DPP6: variants seen among roughly 807,000 people sequenced by gnomAD.
DPP6 encodes A-type potassium channel modulatory protein DPP6.
Under a neutral mutation model 122.6 loss-of-function variants are expected in DPP6, and 69 were observed. The observed-to-expected ratio is 0.56, with a 90% CI of 0.46 to 0.69. The LOEUF is 0.69. DPP6 is among the 30% of genes least tolerant of loss of function. DPP6 has a pLI of 0.00. For synonymous variants in DPP6, 418 were observed against 433.1 expected (o/e 0.97, Z 0.43); for missense variants, 928 against 1,116.9 (o/e 0.83, Z 2.41).
chr7:154,830,690 AT>A (rs753150287), intron 16 of DPP6, among the ~76,000 whole-genome samples: 125 of 152,274 alleles, frequency 8.2e-4, no homozygotes, highest in Non-Finnish European at 6.9e-4. Context: ...ATCGTACTTC[AT>A]TTTGATCAGA....
At chr7:154,889,102 C>A (rs1012955661) in intron 23 of DPP6, among the ~76,000 whole-genome samples, 170 bp from the exon 24 acceptor site, 1 of 152,176 alleles carries the variant, frequency 6.6e-6, no homozygotes. Flanking sequence ...TACCACTGGG[C>A]TTCTGACATC....
chr7:153,796,299 A>G, the DPP6 span, among the ~76,000 whole-genome samples: 1 of 136,118 alleles, frequency 7.3e-6, no homozygotes, highest in East Asian at 2.0e-4. Flanking sequence ...TTAAGTGCAT[A>G]AACATTTAGG....
chr7:153,869,455 T>C, the DPP6 span, among the ~76,000 whole-genome samples: 2 of 152,230 alleles, frequency 1.3e-5, no homozygotes, highest in Non-Finnish European at 1.5e-5. Flanking sequence ...GTCTGCTTTA[T>C]CAGAGACTAA....
chr7:154,158,480 T>A (rs1796808491), intron 1 of DPP6, among the ~76,000 whole-genome samples: 1 of 146,404 alleles, frequency 6.8e-6, no homozygotes. Context: ...AAAAAAAAAA[T>A]CTCCTAAATT....
At chr7:153,964,874 T>A (rs1209693442) in intron 1 of DPP6, among the ~76,000 whole-genome samples, 1 of 139,010 alleles carries the variant, frequency 7.2e-6, no homozygotes, top group Non-Finnish European at 1.5e-5. Flanking sequence ...TTTCCTTTCC[T>A]TTTTTTCTTT....
At chr7:154,870,134 G>A (rs919097295) in intron 18 of DPP6, among the ~76,000 whole-genome samples, 2 of 140,874 alleles carry the variant, frequency 1.4e-5, no homozygotes, top group Middle Eastern at 7.4e-3. Context: ...CAGGCCACAT[G>A]CCCAACTAAT....
At chr7:154,194,542 C>T (rs1342162444) in intron 1 of DPP6, among the ~76,000 whole-genome samples, 4 of 152,184 alleles carry the variant, frequency 2.6e-5, no homozygotes, top group Non-Finnish European at 4.4e-5. Flanking sequence ...CACCTCACCT[C>T]GCTCCTCCCA....
intron 16 of DPP6, among the ~76,000 whole-genome samples, chr7:154,846,234 G>A (rs1265806323): frequency 1.3e-5 from 2 of 150,362 alleles, no homozygotes; most frequent in Admixed American, 6.6e-5. Flanking sequence ...GTATGTGTGG[G>A]TATATATATA....
intron 1 of DPP6, among the ~76,000 whole-genome samples, chr7:154,299,513 TTTG>T (rs916492268): frequency 3.9e-5 from 6 of 152,312 alleles, no homozygotes; most frequent in African/African-American, 9.6e-5. Flanking sequence ...GTGTGGGTTT[TTTG>T]TTGTTGTTGT....
intron 1 of DPP6, among the ~76,000 whole-genome samples, chr7:153,932,413 G>A (rs1478999831): frequency 6.6e-6 from 1 of 152,108 alleles, no homozygotes; most frequent in South Asian, 2.1e-4. Flanking sequence ...GTAGGCCACT[G>A]TGCCCAGCCT....
intron 2 of DPP6, among the ~76,000 whole-genome samples, chr7:154,452,069 A>G (rs1438882767): frequency 6.6e-6 from 1 of 152,244 alleles, no homozygotes; most frequent in Non-Finnish European, 1.5e-5. Flanking sequence ...TCACTAATGT[A>G]CAGAGCAGTG....
At chr7:154,441,825 C>T (rs1024222402) in intron 1 of DPP6, among the ~76,000 whole-genome samples, 11 of 152,034 alleles carry the variant, frequency 7.2e-5, no homozygotes, top group African/African-American at 2.4e-4. Context: ...ACACAAAAGT[C>T]AAGCTGTAAT....
the DPP6 span, among the ~76,000 whole-genome samples, chr7:153,815,490 G>T: frequency 6.6e-6 from 1 of 151,954 alleles, no homozygotes. Context: ...TTAGCATTAG[G>T]TATATCTCCT....
intron 1 of DPP6, among the ~76,000 whole-genome samples, chr7:154,158,096 T>C (rs1387718255): frequency 6.7e-6 from 1 of 149,896 alleles, no homozygotes; most frequent in Admixed American, 6.7e-5. Flanking sequence ...CCTTCCCCCA[T>C]ACTCCCATAT....
Position 154,017,260 on chromosome 7 carries a change from G to T in DPP6, c.51+129526G>T, listed in dbSNP as rs80159367. On this transcript the variant is annotated intron_variant, in intron 1 of 25. Transcript: ENST00000404039. ...TTTTTTGAGTTTTTGTAGAGATGGGGTTTCACTGTGTTGCCCTGGCTGAGC... is the reference window on the plus strand; with the variant it reads ...TTTTTTGAGTTTTTGTAGAGATGGGTTTTCACTGTGTTGCCCTGGCTGAGC... 7.9e-3 allele frequency among the ~76,000 whole-genome samples: 1,197 copies of T among 152,212 alleles called. 12 individuals are homozygous for T. Among genetic ancestry groups the T allele is most frequent in the East Asian group, 0.049 (254 of 5,164 alleles).
intron 12 of DPP6, among the ~76,000 whole-genome samples, chr7:154,797,754 T>C (rs1798129427): frequency 6.6e-6 from 1 of 152,196 alleles, no homozygotes; most frequent in South Asian, 2.1e-4. Flanking sequence ...TGCCACTCAA[T>C]TGTTCACTTT....
chr7:154,093,893 T>A (rs1805114720), intron 1 of DPP6: 1 of 152,132 alleles, frequency 6.6e-6, no homozygotes, highest in Admixed American at 6.6e-5. Context: ...CCACCCTGAG[T>A]CCCGTGTGTG....
intron 1 of DPP6, among the ~76,000 whole-genome samples, chr7:154,267,649 T>C (rs527658127): frequency 5.3e-5 from 8 of 150,840 alleles, no homozygotes; most frequent in African/African-American, 1.7e-4. Flanking sequence ...CACACATATA[T>C]GCACACATAC....
At chr7:154,743,299 G>T (rs571059693) in intron 8 of DPP6, among the ~76,000 whole-genome samples, 1 of 152,280 alleles carries the variant, frequency 6.6e-6, no homozygotes, top group South Asian at 2.1e-4. Flanking sequence ...GCTGAAAGAT[G>T]AATTGAAAAC....
Sources: gnomAD v4.1 joint callset for allele counts (sites outside exome capture counted in the v4.1 genomes callset) on GRCh38, gnomAD v4.1.1 for gene constraint, MANE v1.5 for transcripts, NCBI Gene and HGNC (gene_info 2026-07-23, HGNC 2026-07-21) for gene names.